Variants in MTNAP1 observed in about 807,000 individuals in gnomAD.
The protein encoded by MTNAP1 is mitochondrial nucleoid-associated protein 1.
At chr17:73,247,325 A>C in the MTNAP1 span, 2 of 1,614,170 alleles carry the variant, frequency 1.2e-6, no homozygotes, top group Non-Finnish European at 1.7e-6. Flanking sequence ...TGCCGCTCTA[A>C]AACATGTTTG....
At chr17:73,242,732 G>GT in the MTNAP1 span, among the ~76,000 whole-genome samples, 1 of 152,200 alleles carries the variant, frequency 6.6e-6, no homozygotes, top group Admixed American at 6.5e-5. Context: ...ATCTAGTCAA[G>GT]TTAAGGTTCT....
At chr17:73,240,678 T>G in the MTNAP1 span, among the ~76,000 whole-genome samples, 1 of 152,222 alleles carries the variant, frequency 6.6e-6, no homozygotes, top group East Asian at 1.9e-4. Context: ...CTCATTCCTT[T>G]GGTACTTAAA....
chr17:73,235,728 G>A, the MTNAP1 span: 11 of 1,614,122 alleles, frequency 6.8e-6, no homozygotes, highest in African/African-American at 1.2e-4. Context: ...CTAAGTTGGT[G>A]GTGGACAAAC....
the MTNAP1 span, among the ~76,000 whole-genome samples, chr17:73,243,928 A>G: frequency 6.6e-6 from 1 of 152,204 alleles, no homozygotes; most frequent in East Asian, 1.9e-4. Context: ...GCCTAAGAGC[A>G]CCTTTTTGGC....
At chr17:73,234,404 T>G in the MTNAP1 span, among the ~76,000 whole-genome samples, 13 of 151,464 alleles carry the variant, frequency 8.6e-5, no homozygotes, top group Admixed American at 7.2e-4. Context: ...CTAGAAACTA[T>G]AAGTAGGCCA....
chr17:73,247,210 G>C, the MTNAP1 span: 3 of 1,602,354 alleles, frequency 1.9e-6, no homozygotes, highest in Non-Finnish European at 2.6e-6. Flanking sequence ...GCCCTGAAAA[G>C]CTGAAAATAT....
At chr17:73,234,998 C>T in the MTNAP1 span, among the ~76,000 whole-genome samples, 1 of 152,012 alleles carries the variant, frequency 6.6e-6, no homozygotes, top group Non-Finnish European at 1.5e-5. Flanking sequence ...GGTGGATTGC[C>T]AGAGCTCAGG....
At chr17:73,240,034 A>G in the MTNAP1 span, among the ~76,000 whole-genome samples, 1 of 152,230 alleles carries the variant, frequency 6.6e-6, no homozygotes, top group African/African-American at 2.4e-5. Flanking sequence ...AAGACCACAG[A>G]TAGAAGTCAA....
At chr17:73,240,428 G>T in the MTNAP1 span, among the ~76,000 whole-genome samples, 2 of 152,156 alleles carry the variant, frequency 1.3e-5, no homozygotes, top group African/African-American at 4.8e-5. Flanking sequence ...AGAGACCCTA[G>T]GATCAGGTCA....
the MTNAP1 span, among the ~76,000 whole-genome samples, chr17:73,235,178 C>T: frequency 6.6e-6 from 1 of 151,920 alleles, no homozygotes; most frequent in East Asian, 1.9e-4. Context: ...AGATATTGTG[C>T]CACTGCACTC....
At chr17:73,246,868 C>A in the MTNAP1 span, among the ~76,000 whole-genome samples, 2 of 152,156 alleles carry the variant, frequency 1.3e-5, no homozygotes, top group Non-Finnish European at 2.9e-5. Flanking sequence ...GCCGAAAGAG[C>A]TTTGTGCCCA....
At chr17:73,243,971 G>C in the MTNAP1 span, among the ~76,000 whole-genome samples, 3 of 152,204 alleles carry the variant, frequency 2.0e-5, no homozygotes, top group Non-Finnish European at 4.4e-5. Flanking sequence ...CCACAAAAGA[G>C]AGAAGGAGGA....
At chr17:73,242,340 C>A in the MTNAP1 span, 1 of 1,583,924 alleles carries the variant, frequency 6.3e-7, no homozygotes, top group South Asian at 1.1e-5. Flanking sequence ...CTCTTGGGAG[C>A]TGTACAAAAA....
chr17:73,235,326 A>G, the MTNAP1 span: 90 of 594,360 alleles, frequency 1.5e-4, no homozygotes, highest in African/African-American at 1.4e-3. Context: ...ACAATTTTTT[A>G]TACTCATATA....
the MTNAP1 span, chr17:73,248,217 T>G: frequency 1.2e-5 from 5 of 428,118 alleles, no homozygotes; most frequent in African/African-American, 1.0e-4. Flanking sequence ...ATCACCAGAT[T>G]AAAAGCTTCA....
chr17:73,234,226 G>A, the MTNAP1 span, among the ~76,000 whole-genome samples: 1 of 152,030 alleles, frequency 6.6e-6, no homozygotes, highest in East Asian at 1.9e-4. Context: ...AATAAGAGAT[G>A]TAGAAAGGAA....
At chr17:73,243,315 C>T in the MTNAP1 span, 21 of 361,262 alleles carry the variant, frequency 5.8e-5, no homozygotes, top group South Asian at 3.8e-4. Context: ...CCACCATGCC[C>T]GGCTAATTTT....
the MTNAP1 span, chr17:73,245,245 A>T: frequency 1.2e-6 from 2 of 1,608,736 alleles, no homozygotes; most frequent in Non-Finnish European, 1.7e-6. Context: ...TACAGTGGAG[A>T]CGACTGCAAT....
the MTNAP1 span, chr17:73,245,164 A>G: frequency 1.9e-6 from 3 of 1,613,582 alleles, no homozygotes; most frequent in African/African-American, 1.3e-5. Context: ...CTGTTTATCC[A>G]AAGAGCTGCA....
Sources: allele counts gnomAD v4.1 joint callset (sites outside exome capture counted in the v4.1 genomes callset), GRCh38; gene constraint gnomAD v4.1.1; transcripts MANE v1.5; gene names NCBI Gene and HGNC (gene_info 2026-07-23, HGNC 2026-07-21).